CCDC178: variants seen among roughly 807,000 people sequenced by gnomAD.
CCDC178 encodes coiled-coil domain-containing protein 178.
CCDC178 carries 126 observed loss-of-function variants against 117.4 expected under a neutral mutation model. The observed-to-expected ratio is 1.07, with a 90% confidence interval of 0.93 to 1.24. The LOEUF (loss-of-function observed/expected upper bound fraction) is 1.24, where lower values mean the gene tolerates loss of function less well. Ranked by LOEUF, CCDC178 falls within the 50% of genes most tolerant of loss-of-function variation. CCDC178 has a pLI of 0.00. For synonymous variants in CCDC178, 283 were observed against 313.4 expected, an observed-to-expected ratio of 0.90 and a Z score of 1.02; for missense variants, 1,030 against 986.9, an observed-to-expected ratio of 1.04 and a Z score of -0.59.
chr18:33,143,786 AAC>A (rs1239052803), intron 20 of CCDC178, among the ~76,000 whole-genome samples: 3 of 152,126 alleles, frequency 2.0e-5, no homozygotes, highest in Non-Finnish European at 4.4e-5. Context: ...CCAAAGTATT[AAC>A]ATGTTTATCA....
intron 15 of CCDC178, among the ~76,000 whole-genome samples, chr18:33,239,964 C>T (rs1442600371): frequency 1.3e-5 from 2 of 151,696 alleles, no homozygotes; most frequent in Non-Finnish European, 2.9e-5. Flanking sequence ...AAATATTCTC[C>T]AGGATCAATC....
At chr18:33,153,169 T>C (rs917534181) in intron 20 of CCDC178, among the ~76,000 whole-genome samples, 6 of 148,202 alleles carry the variant, frequency 4.0e-5, no homozygotes, top group South Asian at 2.1e-4. Flanking sequence ...ATATATTATA[T>C]ATTATATATA....
At chr18:33,050,395 T>C (rs536728237) in intron 21 of CCDC178, among the ~76,000 whole-genome samples, 11 of 152,176 alleles carry the variant, frequency 7.2e-5, no homozygotes, top group Non-Finnish European at 1.6e-4. Context: ...GAAAGAGTAA[T>C]GGCAGACATT....
At chr18:33,320,001 A>C (rs2062481630) in intron 11 of CCDC178, among the ~76,000 whole-genome samples, 1 of 152,360 alleles carries the variant, frequency 6.6e-6, no homozygotes, top group South Asian at 2.1e-4. Context: ...TCACATGATT[A>C]TCTCAATAGA....
chr18:32,971,044 T>A (rs1280194863), intron 22 of CCDC178, among the ~76,000 whole-genome samples: 1 of 152,086 alleles, frequency 6.6e-6, no homozygotes, highest in Non-Finnish European at 1.5e-5. Flanking sequence ...CTGGGATACA[T>A]GTGCAAAATG....
chr18:33,095,276 T>C (rs550255131), intron 20 of CCDC178, among the ~76,000 whole-genome samples: 118 of 152,106 alleles, frequency 7.8e-4, no homozygotes, highest in African/African-American at 2.7e-3. Flanking sequence ...TGGTAAAACA[T>C]TAGGAAGATA....
chr18:33,075,175 C>T (rs2057182282), intron 21 of CCDC178, among the ~76,000 whole-genome samples: 2 of 152,126 alleles, frequency 1.3e-5, no homozygotes, highest in South Asian at 4.2e-4. Flanking sequence ...CTATGAATGC[C>T]TCTTTTTCCT....
chr18:33,337,135 CTT>C (rs71159820), intron 9 of CCDC178, among the ~76,000 whole-genome samples: 173 of 135,414 alleles, frequency 1.3e-3, no homozygotes, highest in East Asian at 8.3e-3. Context: ...TATTCCTAAG[CTT>C]TTTTTTTTTT....
At chr18:33,145,398 A>C (rs530866906) in intron 20 of CCDC178, among the ~76,000 whole-genome samples, 2 of 152,190 alleles carry the variant, frequency 1.3e-5, no homozygotes, top group Non-Finnish European at 2.9e-5. Context: ...ATCTCCACTA[A>C]TTTCCCAACT....
chr18:33,195,775 A>G (rs1447850945), intron 20 of CCDC178, among the ~76,000 whole-genome samples: 2 of 152,226 alleles, frequency 1.3e-5, no homozygotes, highest in African/African-American at 4.8e-5. Flanking sequence ...ACAGAGTCCT[A>G]TGATAATAAC....
At chr18:33,402,838 T>A (rs2063727090) in intron 3 of CCDC178, among the ~76,000 whole-genome samples, 1 of 152,184 alleles carries the variant, frequency 6.6e-6, no homozygotes, top group African/African-American at 2.4e-5. Context: ...CAGCTGGGAC[T>A]ACAGCTGCTG....
intron 20 of CCDC178, among the ~76,000 whole-genome samples, chr18:33,095,206 CT>C (rs2057524752): frequency 6.6e-6 from 1 of 151,802 alleles, no homozygotes; most frequent in Non-Finnish European, 1.5e-5. Context: ...ACATATAACA[CT>C]TTCTCAAAGA....
Position 33,412,023 on chromosome 18 carries a change from A to T in CCDC178, c.58+8T>A, listed in dbSNP as rs763261041. 6.5e-6 allele frequency: 9 copies of T among 1,392,826 alleles called. No individual in the cohort carries two copies. In the African/African-American group the frequency reaches 1.2e-4, roughly 18 times the overall value. The allele number at this position is 1,392,826 out of a possible 1,614,324, so 86.3% of individuals were successfully genotyped here. A position where few individuals can be genotyped will look rare whatever the true frequency, so the allele number is the denominator to read the frequency against. On this transcript the variant is annotated splice_region_variant and intron_variant, in intron 3 of 22. Transcript: ENST00000383096. The stretch of plus-strand genomic sequence containing the variant: ...TTTTCAAAGAAAATCAATTTATGAT[A>T]AACTTACCTATATTGGTTTGATCAT...
chr18:33,043,455 G>A (rs1182453029), intron 21 of CCDC178, among the ~76,000 whole-genome samples: 2 of 152,028 alleles, frequency 1.3e-5, no homozygotes, highest in African/African-American at 2.4e-5. Flanking sequence ...GTATTGGGCA[G>A]TTACTTTACT....
At chr18:32,979,776 A>C (rs2055108166) in intron 21 of CCDC178, among the ~76,000 whole-genome samples, 1 of 152,214 alleles carries the variant, frequency 6.6e-6, no homozygotes, top group African/African-American at 2.4e-5. Context: ...ACAACTGTGA[A>C]ACAAGAGAAC....
intron 5 of CCDC178, among the ~76,000 whole-genome samples, chr18:33,377,918 C>T (rs1158175909): frequency 6.6e-6 from 1 of 152,122 alleles, no homozygotes; most frequent in Non-Finnish European, 1.5e-5. Context: ...ATTGCTTAGA[C>T]TGTTTCAGTT....
At chr18:33,190,686 A>G (rs532738800) in intron 20 of CCDC178, among the ~76,000 whole-genome samples, 6 of 152,342 alleles carry the variant, frequency 3.9e-5, no homozygotes, top group African/African-American at 1.4e-4. Context: ...TCCAGAAATG[A>G]GAAAAATATT....
At chr18:33,393,885 A>C (rs1463757011) in intron 4 of CCDC178, among the ~76,000 whole-genome samples, 1 of 151,926 alleles carries the variant, frequency 6.6e-6, no homozygotes, top group Non-Finnish European at 1.5e-5. Context: ...CATATATATA[A>C]AATATATGTA....
rs932527435 is a variant in CCDC178, at chr18:33,223,088, C to T, written c.1932+18G>A. The stretch of plus-strand genomic sequence containing the variant: ...TAAACTGTAAATTCAAAATTAGATT[C>T]TGAACTTAAATTCTTACCTCAGTTT... On this transcript the variant is annotated intron_variant, in intron 18 of 22. Coordinates refer to ENST00000383096, the MANE Select transcript of CCDC178 (RefSeq NM_001105528.4). 2.6e-6 allele frequency: 4 copies of T among 1,537,882 alleles called. No homozygotes were observed. The African/African-American group carries it at 5.5e-5, about 21-fold the overall frequency.
Sources: gnomAD v4.1 joint callset for allele counts (sites outside exome capture counted in the v4.1 genomes callset) on GRCh38, gnomAD v4.1.1 for gene constraint, MANE v1.5 for transcripts, NCBI Gene and HGNC (gene_info 2026-07-23, HGNC 2026-07-21) for gene names.